The following UTS2 variants were observed in gnomAD, a reference collection of about 807,000 sequenced individuals.
UTS2 encodes the protein urotensin 2, also known as urotensin-2.
UTS2 carries 10 observed loss-of-function variants against 12.6 expected under a neutral mutation model. The ratio of observed to expected loss-of-function variants is 0.80; its 90% CI spans 0.49 to 1.35. UTS2 has a LOEUF of 1.35. Among genes scored for constraint, UTS2 ranks in the 40% most tolerant of loss-of-function variants. The pLI is 0.00. For missense variants in UTS2, 142 were observed against 143.2 expected (o/e 0.99, Z 0.04); for synonymous variants, 52 against 50.0 (o/e 1.04, Z -0.17).
At chr1:7,856,538 C>G (rs1638312309), upstream of UTS2, among the ~76,000 whole-genome samples, 1 of 38,098 alleles carries the variant, frequency 2.6e-5, no homozygotes, top group Non-Finnish European at 6.2e-5. Flanking sequence ...GGAGGAGGAA[C>G]TGAAAGAAGA....
the UTS2 span, among the ~76,000 whole-genome samples, chr1:7,884,602 C>G: frequency 1.3e-5 from 2 of 152,210 alleles, no homozygotes; most frequent in African/African-American, 2.4e-5. Flanking sequence ...AGCCATCACA[C>G]CCAGCCAACA....
In UTS2 at chr1:7,847,867, C is replaced by CAGAG. The variant is rs1177252216; in HGVS notation, c.270_273dup (p.Gly92LeufsTer6). 3 of 1,609,686 alleles carry CAGAG rather than the reference C, an allele frequency of 1.9e-6. No individual in the cohort carries two copies. Among genetic ancestry groups the CAGAG allele is most frequent in the African/African-American group, 1.3e-5 (1 of 74,344 alleles). ...CTCAGTAAAATGTTAGGATCTTGTCCAGAGAAATCCTGAAACTAAAACAAT... is the reference window on the plus strand; with the variant it reads ...CTCAGTAAAATGTTAGGATCTTGTCCAGAGAGAGAAATCCTGAAACTAAAACAAT... On this transcript the variant is annotated frameshift_variant, in exon 4 of 4. Coordinates refer to ENST00000361696, the MANE Select transcript of UTS2 (RefSeq NM_006786.4). LOFTEE classifies it low-confidence loss of function (END_TRUNC).
At chr1:7,905,454 GTAT>G in the UTS2 span, among the ~76,000 whole-genome samples, 1 of 150,262 alleles carries the variant, frequency 6.7e-6, no homozygotes, top group African/African-American at 2.4e-5. Context: ...TAATTAACAT[GTAT>G]TAGGTTGGTG....
the UTS2 span, among the ~76,000 whole-genome samples, chr1:7,900,579 C>T: frequency 6.6e-6 from 1 of 151,792 alleles, no homozygotes; most frequent in Non-Finnish European, 1.5e-5. Flanking sequence ...GAGTTCGAGA[C>T]TGGCCTGGCC....
At chr1:7,904,116 T>C in the UTS2 span, among the ~76,000 whole-genome samples, 1 of 152,090 alleles carries the variant, frequency 6.6e-6, no homozygotes, top group Non-Finnish European at 1.5e-5. Context: ...GATTTAATTA[T>C]AACCTAATTT....
the UTS2 span, among the ~76,000 whole-genome samples, chr1:7,890,744 A>G: frequency 6.6e-6 from 1 of 150,932 alleles, no homozygotes; most frequent in African/African-American, 2.4e-5. Flanking sequence ...AAAAAAAAAA[A>G]AATGAACCAG....
the UTS2 span, among the ~76,000 whole-genome samples, chr1:7,863,001 T>G: frequency 1.5e-4 from 3 of 20,298 alleles, no homozygotes; most frequent in Admixed American, 5.9e-4. Context: ...TTGTATTGTA[T>G]TGTATTGTAT....
upstream of UTS2, among the ~76,000 whole-genome samples, chr1:7,857,107 T>TGAAGGAAGGAAGGAAGGAAGGAAG (rs1157152578): frequency 0.14 from 17,203 of 125,076 alleles, 1,865 homozygotes; most frequent in Admixed American, 0.18. Flanking sequence ...AGAAAAGGAA[T>TGAAGGAAGGAAGGAAGGAAGGAAG]GAAGGAAGGA....
chr1:7,882,840 GA>G, the UTS2 span, among the ~76,000 whole-genome samples: 1 of 152,154 alleles, frequency 6.6e-6, no homozygotes. Context: ...GATCATCAGG[GA>G]AATGAAAATC....
chr1:7,911,921 G>T, the UTS2 span, among the ~76,000 whole-genome samples: 1 of 139,922 alleles, frequency 7.1e-6, no homozygotes, highest in African/African-American at 2.9e-5. Flanking sequence ...AAAAAAATCA[G>T]ATGGAAGACT....
chr1:7,853,124 CAAA>C (rs34962249), upstream of UTS2: 1,974 of 1,264,714 alleles, frequency 1.6e-3, no homozygotes, highest in Admixed American at 2.6e-3. Context: ...TCATCCTCTC[CAAA>C]AAAAAAAAAA....
At chr1:7,873,250 C>T in the UTS2 span, among the ~76,000 whole-genome samples, 37 of 152,324 alleles carry the variant, frequency 2.4e-4, no homozygotes, top group African/African-American at 8.9e-4. Context: ...TGTGTACTTA[C>T]ACAACATCCA....
At chr1:7,875,273 A>G in the UTS2 span, among the ~76,000 whole-genome samples, 3 of 151,896 alleles carry the variant, frequency 2.0e-5, no homozygotes, top group African/African-American at 7.3e-5. Flanking sequence ...ACGGGGTTTC[A>G]CCGTGTTATC....
In UTS2 at chr1:7,851,016, A is replaced by G. The variant is rs779579181; in HGVS notation, c.104-94T>C. 4.8e-4 allele frequency: 590 copies of G among 1,230,286 alleles called. 1 individual carries two copies. Among genetic ancestry groups the G allele is most frequent in the Non-Finnish European group, 6.1e-4 (525 of 853,942 alleles). The allele number at this position is 1,230,286 out of a possible 1,614,324, so 76.2% of individuals were successfully genotyped here. On this transcript the variant is annotated intron_variant, in intron 1 of 3. Coordinates refer to ENST00000361696, the MANE Select transcript of UTS2 (RefSeq NM_006786.4). ...TTTGGCGAGCACCAGAGATAGGGAG[A>G]TGAACACTAGAAAAACTTCCAACGC...
the UTS2 span, among the ~76,000 whole-genome samples, chr1:7,878,593 G>A: frequency 3.2e-3 from 480 of 152,026 alleles, 4 homozygotes; most frequent in African/African-American, 0.011. Flanking sequence ...AAAATGTATA[G>A]AGCCATGTGC....
At chr1:7,906,473 A>AAGAAAGAAAGAAAGAAAG in the UTS2 span, among the ~76,000 whole-genome samples, 3 of 148,392 alleles carry the variant, frequency 2.0e-5, 1 homozygote, top group African/African-American at 7.6e-5. Context: ...GAAAGAAAGA[A>AAGAAAGAAAGAAAGAAAG]AGAAAGAAAG....
the UTS2 span, among the ~76,000 whole-genome samples, chr1:7,894,337 C>G: frequency 6.6e-6 from 1 of 151,986 alleles, no homozygotes; most frequent in Non-Finnish European, 1.5e-5. Flanking sequence ...CTACATCCAG[C>G]TAGTTTTTGT....
At chr1:7,881,411 C>G in the UTS2 span, among the ~76,000 whole-genome samples, 1 of 151,920 alleles carries the variant, frequency 6.6e-6, no homozygotes, top group Non-Finnish European at 1.5e-5. Context: ...ACCAAAAAAT[C>G]TCTTAGAACT....
intron 3 of UTS2, among the ~76,000 whole-genome samples, chr1:7,848,950 AGGTCCT>A (rs2151381838): frequency 1.3e-5 from 2 of 152,252 alleles, no homozygotes; most frequent in South Asian, 4.2e-4. Context: ...TTGCTTCCGC[AGGTCCT>A]AGGTGGGCCT....
Sources: allele counts gnomAD v4.1 joint callset (sites outside exome capture counted in the v4.1 genomes callset), GRCh38; gene constraint gnomAD v4.1.1; transcripts MANE v1.5; gene names NCBI Gene and HGNC (gene_info 2026-07-23, HGNC 2026-07-21).